The following TSPAN18 variants were observed in gnomAD, a reference collection of about 807,000 sequenced individuals.
The protein encoded by TSPAN18 is tetraspanin 18, also known as tetraspanin-18.
Under a neutral mutation model 27.3 loss-of-function variants are expected in TSPAN18, and 14 were observed. That is an observed-to-expected ratio of 0.51 (90% CI 0.34 to 0.80). The LOEUF (loss-of-function observed/expected upper bound fraction) is 0.80. Among genes scored for constraint, TSPAN18 ranks in the 30% least tolerant of loss-of-function variants. The pLI is 0.01. For missense variants in TSPAN18, 268 were observed against 323.9 expected, an observed-to-expected ratio of 0.83 and a Z score of 1.32; for synonymous variants, 143 against 136.5, an observed-to-expected ratio of 1.05 and a Z score of -0.33.
intron 3 of TSPAN18, among the ~76,000 whole-genome samples, chr11:44,873,190 G>T (rs934371564): frequency 2.0e-5 from 3 of 152,226 alleles, no homozygotes; most frequent in Non-Finnish European, 2.9e-5. Context: ...GCAGCACAGG[G>T]GCCCTGCATA....
intron 1 of TSPAN18, among the ~76,000 whole-genome samples, chr11:44,754,739 A>C (rs1275188974): frequency 1.3e-5 from 2 of 152,170 alleles, no homozygotes; most frequent in Admixed American, 1.3e-4. Flanking sequence ...GACTCCTCTG[A>C]GCTGTGCGGT....
At chr11:44,749,161 C>T (rs1855150689) in intron 1 of TSPAN18, among the ~76,000 whole-genome samples, 1 of 152,220 alleles carries the variant, frequency 6.6e-6, no homozygotes, top group Admixed American at 6.5e-5. Flanking sequence ...TGGAAAGACA[C>T]AGGATTTCAA....
intron 3 of TSPAN18, chr11:44,886,361 C>CT (rs1858653414): frequency 2.0e-5 from 3 of 152,320 alleles, no homozygotes; most frequent in Non-Finnish European, 4.4e-5. Flanking sequence ...GCTGAAGGAG[C>CT]TGTGAAATCA....
chr11:44,882,591 C>G (rs530929958), intron 3 of TSPAN18, among the ~76,000 whole-genome samples: 306 of 66,862 alleles, frequency 4.6e-3, no homozygotes, highest in African/African-American at 7.7e-3. Context: ...GAGAGAGACA[C>G]ACACACACAC....
chr11:44,851,612 A>ACCCCCCCCCCCCCCC (rs1278720815), intron 2 of TSPAN18, among the ~76,000 whole-genome samples: 3 of 110,788 alleles, frequency 2.7e-5, no homozygotes, highest in South Asian at 2.9e-4. Context: ...TACTCTTGTC[A>ACCCCCCCCCCCCCCC]CCTCCCCCCC....
chr11:44,810,991 G>C (rs563264796), intron 2 of TSPAN18, among the ~76,000 whole-genome samples: 12 of 152,250 alleles, frequency 7.9e-5, no homozygotes, highest in African/African-American at 2.4e-4. Context: ...TCATTTCGTA[G>C]TATGATGTAA....
At chr11:44,888,921 A>G (rs35049301) in intron 3 of TSPAN18, among the ~76,000 whole-genome samples, 21,291 of 152,122 alleles carry the variant, frequency 0.14, 1,591 homozygotes, top group East Asian at 0.21. Context: ...GGAGGAAAGT[A>G]ATTGGATTAT....
At chr11:44,809,967 C>T (rs748071257) in intron 2 of TSPAN18, among the ~76,000 whole-genome samples, 5 of 152,092 alleles carry the variant, frequency 3.3e-5, no homozygotes, top group Non-Finnish European at 7.4e-5. Context: ...GAGGAAACGG[C>T]GCAAAAATGA....
chr11:44,772,626 G>A (rs754232309), intron 2 of TSPAN18, among the ~76,000 whole-genome samples: 4 of 151,966 alleles, frequency 2.6e-5, no homozygotes, highest in African/African-American at 4.8e-5. Flanking sequence ...CACTGTATTG[G>A]GAGTTTCTGT....
At chr11:44,834,078 G>A (rs1857211927) in intron 2 of TSPAN18, among the ~76,000 whole-genome samples, 1 of 151,712 alleles carries the variant, frequency 6.6e-6, no homozygotes. Flanking sequence ...TGTTTCCAAG[G>A]CTTAAACCCA....
At chr11:44,784,975 A>G (rs1316912276) in intron 2 of TSPAN18, among the ~76,000 whole-genome samples, 1 of 152,260 alleles carries the variant, frequency 6.6e-6, no homozygotes, top group East Asian at 1.9e-4. Flanking sequence ...GGAGTGCTGT[A>G]TAAATAAAAT....
chr11:44,904,388 A>G (rs835997), intron 3 of TSPAN18, among the ~76,000 whole-genome samples: 148,487 of 152,342 alleles, frequency 0.97, 72,498 homozygotes, highest in Non-Finnish European at 1. Context: ...GGCCAGTGCC[A>G]AATCCAAAGC....
At chr11:44,886,466 G>A (rs1477041082) in intron 3 of TSPAN18, 2 of 152,180 alleles carry the variant, frequency 1.3e-5, no homozygotes, top group East Asian at 3.8e-4. Flanking sequence ...AACTTCTCTG[G>A]GCACCACTCC....
intron 3 of TSPAN18, among the ~76,000 whole-genome samples, chr11:44,864,286 CAA>C (rs34906166): frequency 4.2e-4 from 39 of 92,080 alleles, no homozygotes; most frequent in African/African-American, 1.7e-3. Context: ...GACTCCGTCT[CAA>C]AAAAAAAAAA....
intron 2 of TSPAN18, among the ~76,000 whole-genome samples, chr11:44,812,560 C>T (rs1307676161): frequency 6.6e-6 from 1 of 152,162 alleles, no homozygotes; most frequent in Admixed American, 6.5e-5. Context: ...GGAGGTGGTG[C>T]AAACTCTGAT....
intron 1 of TSPAN18, among the ~76,000 whole-genome samples, chr11:44,739,213 C>T (rs1212015494): frequency 6.6e-6 from 1 of 152,158 alleles, no homozygotes; most frequent in Non-Finnish European, 1.5e-5. Context: ...GAGGCTGCAA[C>T]AGGGTGGGAA....
chr11:44,772,204 G>C (rs901417451), intron 2 of TSPAN18, among the ~76,000 whole-genome samples: 1 of 152,204 alleles, frequency 6.6e-6, no homozygotes, highest in Non-Finnish European at 1.5e-5. Flanking sequence ...CAGCCTGGAA[G>C]ACACTCCCAG....
chr11:44,893,662 C>T (rs997745329), intron 3 of TSPAN18, among the ~76,000 whole-genome samples: 1 of 152,250 alleles, frequency 6.6e-6, no homozygotes, highest in Non-Finnish European at 1.5e-5. Context: ...CTCTTCCCAG[C>T]TCTGGGACCT....
chr11:44,728,305 G>GT (rs1419048975), intron 1 of TSPAN18, among the ~76,000 whole-genome samples: 1 of 152,222 alleles, frequency 6.6e-6, no homozygotes. Context: ...AGAAAAAGAT[G>GT]TAAGAAACTA....
Sources: allele counts gnomAD v4.1 joint callset (sites outside exome capture counted in the v4.1 genomes callset), GRCh38; gene constraint gnomAD v4.1.1; transcripts MANE v1.5; gene names NCBI Gene and HGNC (gene_info 2026-07-23, HGNC 2026-07-21).